The following NRXN3 variants were observed in gnomAD, a reference collection of about 807,000 sequenced individuals.
The protein encoded by NRXN3 is neurexin 3, also known as neurexin III.
Under a neutral mutation model 137.6 loss-of-function variants are expected in NRXN3, and 32 were observed. That is an observed-to-expected ratio of 0.23 (90% CI 0.18 to 0.31). The LOEUF is 0.31. Ranked by LOEUF, NRXN3 falls within the 10% of genes least tolerant of loss-of-function variation. The probability of loss-of-function intolerance (pLI) is 1.00; values close to 1 mark genes in which losing one functional copy is unlikely to be tolerated. For missense variants in NRXN3, 1,574 were observed against 2,062.5 expected (o/e 0.76, Z 4.59); for synonymous variants, 798 against 784.5 (o/e 1.02, Z -0.29).
At chr14:78,240,435 T>G (rs142041445) in intron 1 of NRXN3, among the ~76,000 whole-genome samples, 1 of 152,204 alleles carries the variant, frequency 6.6e-6, no homozygotes, top group Non-Finnish European at 1.5e-5. Context: ...ATCAAGGCCC[T>G]TTGTTTTAGG....
At chr14:78,736,256 T>A (rs1407175394) in intron 8 of NRXN3, among the ~76,000 whole-genome samples, 1 of 152,216 alleles carries the variant, frequency 6.6e-6, no homozygotes, top group Non-Finnish European at 1.5e-5. Flanking sequence ...ATCCTGGAGT[T>A]CAAGATGTAG....
At chr14:79,474,573 A>T (rs1600829618) in intron 16 of NRXN3, among the ~76,000 whole-genome samples, 1 of 152,114 alleles carries the variant, frequency 6.6e-6, no homozygotes, top group East Asian at 1.9e-4. Flanking sequence ...GACCTTGGTT[A>T]GGTCAATAGG....
intron 19 of NRXN3, among the ~76,000 whole-genome samples, chr14:79,754,496 C>T (rs1467111121): frequency 8.8e-6 from 1 of 113,376 alleles, no homozygotes. Flanking sequence ...CACTCTCACT[C>T]TCTCTTGATA....
intron 15 of NRXN3, among the ~76,000 whole-genome samples, chr14:79,267,890 G>A (rs2078689920): frequency 1.3e-5 from 2 of 152,236 alleles, no homozygotes; most frequent in South Asian, 4.1e-4. Flanking sequence ...TCTTCAGTAT[G>A]TGGACTTCTT....
intron 15 of NRXN3, among the ~76,000 whole-genome samples, chr14:79,080,637 C>T (rs1457161208): frequency 1.3e-5 from 2 of 152,316 alleles, no homozygotes; most frequent in East Asian, 3.9e-4. Context: ...CACCAGCTTC[C>T]TTTGCTTTCA....
intron 19 of NRXN3, among the ~76,000 whole-genome samples, chr14:79,735,014 T>G (rs1370095089): frequency 6.6e-6 from 1 of 152,168 alleles, no homozygotes; most frequent in Non-Finnish European, 1.5e-5. Context: ...AGCTAGAATT[T>G]TATTCAATTT....
At chr14:79,702,311 G>A (rs1267358540) in intron 19 of NRXN3, among the ~76,000 whole-genome samples, 3 of 151,936 alleles carry the variant, frequency 2.0e-5, no homozygotes, top group Non-Finnish European at 4.4e-5. Context: ...CCTTACCATC[G>A]TGGAATTTAC....
chr14:78,826,807 C>T (rs928308259), intron 10 of NRXN3, among the ~76,000 whole-genome samples: 2 of 152,096 alleles, frequency 1.3e-5, no homozygotes, highest in Non-Finnish European at 1.5e-5. Context: ...GCATGTCTTC[C>T]CTCATGGCTA....
chr14:79,618,443 T>G (rs1421031442), intron 16 of NRXN3, among the ~76,000 whole-genome samples: 1 of 152,138 alleles, frequency 6.6e-6, no homozygotes, highest in Non-Finnish European at 1.5e-5. Context: ...TATGTGGTAT[T>G]TGGTTTTCTG....
chr14:79,552,159 G>A (rs78430324), intron 16 of NRXN3, among the ~76,000 whole-genome samples: 2 of 152,282 alleles, frequency 1.3e-5, no homozygotes, highest in East Asian at 1.9e-4. Flanking sequence ...AATCAAAATA[G>A]CAAAACACAT....
chr14:78,961,327 C>T (rs2099407790), intron 11 of NRXN3, among the ~76,000 whole-genome samples: 1 of 152,042 alleles, frequency 6.6e-6, no homozygotes, highest in African/African-American at 2.4e-5. Flanking sequence ...AGGACCCAAA[C>T]CTTGACCCCA....
chr14:79,717,419 A>C (rs1479072778), intron 19 of NRXN3, among the ~76,000 whole-genome samples: 2 of 152,100 alleles, frequency 1.3e-5, no homozygotes, highest in African/African-American at 4.8e-5. Flanking sequence ...TCAGACTCAA[A>C]CCTCGATGTG....
intron 16 of NRXN3, among the ~76,000 whole-genome samples, chr14:79,491,014 A>G (rs1489615693): frequency 6.6e-6 from 1 of 152,218 alleles, no homozygotes; most frequent in East Asian, 1.9e-4. Flanking sequence ...TGTTGCAAAA[A>G]ATAACTATTA....
At chr14:79,693,504 T>G (rs1054510057) in intron 18 of NRXN3, among the ~76,000 whole-genome samples, 2 of 151,990 alleles carry the variant, frequency 1.3e-5, no homozygotes, top group African/African-American at 4.8e-5. Context: ...TTAAAGACAA[T>G]GATTGCCTCA....
chr14:79,801,401 T>C (rs1410299544), intron 19 of NRXN3, among the ~76,000 whole-genome samples: 1 of 152,174 alleles, frequency 6.6e-6, no homozygotes, highest in Non-Finnish European at 1.5e-5. Context: ...TCGTAACAAA[T>C]AGAGCACATA....
chr14:78,290,620 C>T (rs1247872441), intron 3 of NRXN3, among the ~76,000 whole-genome samples: 1 of 152,098 alleles, frequency 6.6e-6, no homozygotes, highest in African/African-American at 2.4e-5. Flanking sequence ...GCCTGGGCAA[C>T]AGAGTGAGAC....
rs76876277 is a variant in NRXN3 at position 79,813,143 on chromosome 14, A to G, written c.4093+7953A>G. Among the ~76,000 whole-genome samples, 499 of 152,156 alleles carry G rather than the reference A, an allele frequency of 3.3e-3. 12 individuals carry two copies. The East Asian group carries it at 0.043, about 13-fold the overall frequency. On this transcript the variant is annotated intron_variant, in intron 20 of 20. Transcript: ENST00000335750. Reference sequence around the variant, plus strand: ...GTCATGTGTTTACACAGAAATTCACACCATCATTCTTAACCAGCATCAGCC... The same window carrying G: ...GTCATGTGTTTACACAGAAATTCACGCCATCATTCTTAACCAGCATCAGCC...
At chr14:79,790,588 C>T (rs917967767) in intron 19 of NRXN3, among the ~76,000 whole-genome samples, 9 of 146,160 alleles carry the variant, frequency 6.2e-5, no homozygotes, top group South Asian at 4.5e-4. Flanking sequence ...TAATTACAGG[C>T]GTGGGCCACT....
chr14:79,395,247 G>T (rs902584388), intron 15 of NRXN3, among the ~76,000 whole-genome samples: 1 of 152,174 alleles, frequency 6.6e-6, no homozygotes, highest in African/African-American at 2.4e-5. Context: ...GGTGGCAAAA[G>T]AAGTCTCATG....
Sources: gnomAD v4.1 joint callset for allele counts (sites outside exome capture counted in the v4.1 genomes callset) on GRCh38, gnomAD v4.1.1 for gene constraint, MANE v1.5 for transcripts, NCBI Gene and HGNC (gene_info 2026-07-23, HGNC 2026-07-21) for gene names.